Variants in ESRRG observed in about 807,000 individuals in gnomAD.
The protein encoded by ESRRG is estrogen-related receptor gamma.
In ESRRG, 13 loss-of-function variants were observed where a neutral mutation model predicts 44.0. The observed-to-expected ratio is 0.30, with a 90% CI of 0.19 to 0.47. The LOEUF (loss-of-function observed/expected upper bound fraction) is 0.47, where lower values mean the gene tolerates loss of function less well. Ranked by LOEUF, ESRRG falls within the 20% of genes least tolerant of loss-of-function variation. The probability of loss-of-function intolerance (pLI) is 1.00; values close to 1 mark genes in which losing one functional copy is unlikely to be tolerated. For missense variants in ESRRG, 395 were observed against 580.6 expected, an observed-to-expected ratio of 0.68 and a Z score of 3.29; for synonymous variants, 215 against 214.6, an observed-to-expected ratio of 1.00 and a Z score of -0.02.
chr1:216,908,350 C>T (rs2059915462), intron 2 of ESRRG, among the ~76,000 whole-genome samples: 1 of 152,152 alleles, frequency 6.6e-6, no homozygotes, highest in South Asian at 2.1e-4. Context: ...AGCATGTCCA[C>T]CTTATGTGTA....
chr1:216,642,436 T>A (rs560015523), intron 3 of ESRRG, among the ~76,000 whole-genome samples: 2 of 152,058 alleles, frequency 1.3e-5, no homozygotes, highest in Non-Finnish European at 2.9e-5. Context: ...TAATGCAGTA[T>A]CCGCACATAA....
At chr1:216,841,881 G>A (rs957581614) in intron 2 of ESRRG, among the ~76,000 whole-genome samples, 13 of 152,108 alleles carry the variant, frequency 8.5e-5, no homozygotes, top group Middle Eastern at 6.8e-3. Context: ...TCTGGGTTTA[G>A]AATGGTACAG....
chr1:216,840,382 A>G (rs565355189), intron 2 of ESRRG, among the ~76,000 whole-genome samples: 1 of 152,262 alleles, frequency 6.6e-6, no homozygotes, highest in Admixed American at 6.5e-5. Flanking sequence ...CTTGCTTTTG[A>G]TTAGGCTTTG....
chr1:216,537,528 G>A lies in ESRRG; in HGVS notation c.863-18107C>T, dbSNP rs1360261275. Among the ~76,000 whole-genome samples, 4 of 152,060 alleles carry A rather than the reference G, an allele frequency of 2.6e-5. No individual in the cohort carries two copies. The South Asian group carries it at 8.3e-4, about 31-fold the overall frequency. On this transcript the variant is annotated intron_variant, in intron 5 of 6. Coordinates refer to ENST00000408911, the MANE Select transcript of ESRRG (RefSeq NM_001438.4). ...AATTTTACAGAGGCTAGTGCAGCTG[G>A]AGAGGAGTAGCAGGAGATGGTGCTG...
intron 2 of ESRRG, among the ~76,000 whole-genome samples, chr1:216,879,484 CAAAAAAA>C (rs755104959): frequency 5.6e-5 from 5 of 89,442 alleles, no homozygotes; most frequent in African/African-American, 7.8e-5. Flanking sequence ...AAAAGGCCAC[CAAAAAAA>C]AAAAAAAAAA....
intron 1 of ESRRG, among the ~76,000 whole-genome samples, chr1:217,023,931 G>A (rs1409431654): frequency 6.6e-6 from 1 of 152,202 alleles, no homozygotes; most frequent in Non-Finnish European, 1.5e-5. Context: ...TTTAAACAGA[G>A]ATGGTAGCTA....
At chr1:216,507,637 G>GA (rs1267771312) in intron 6 of ESRRG, among the ~76,000 whole-genome samples, 4 of 152,148 alleles carry the variant, frequency 2.6e-5, no homozygotes, top group Non-Finnish European at 4.4e-5. Flanking sequence ...CCAAACAGGG[G>GA]AAAAAATTGT....
At chr1:216,809,791 C>T (rs1383436091) in intron 2 of ESRRG, among the ~76,000 whole-genome samples, 2 of 152,106 alleles carry the variant, frequency 1.3e-5, no homozygotes, top group South Asian at 2.1e-4. Context: ...TCTGGAAGGA[C>T]CAGGATGTGG....
intron 2 of ESRRG, among the ~76,000 whole-genome samples, chr1:216,764,441 G>A (rs532738405): frequency 6.6e-6 from 1 of 151,772 alleles, no homozygotes; most frequent in East Asian, 1.9e-4. Flanking sequence ...GCTAATTTTT[G>A]TATTTTTAGT....
intron 3 of ESRRG, among the ~76,000 whole-genome samples, chr1:216,643,753 CA>C (rs2066926308): frequency 6.6e-6 from 1 of 152,158 alleles, no homozygotes; most frequent in Non-Finnish European, 1.5e-5. Flanking sequence ...CTGGTTCCCT[CA>C]GAACAGAATC....
intron 1 of ESRRG, among the ~76,000 whole-genome samples, chr1:217,130,685 A>C (rs1170393575): frequency 6.6e-6 from 1 of 152,206 alleles, no homozygotes; most frequent in Non-Finnish European, 1.5e-5. Flanking sequence ...AAATAATTGA[A>C]TATTAATTAT....
chr1:216,560,488 A>T (rs1390650711), intron 5 of ESRRG, among the ~76,000 whole-genome samples: 3 of 152,204 alleles, frequency 2.0e-5, no homozygotes, highest in Non-Finnish European at 4.4e-5. Context: ...AGCCATTTAT[A>T]TAGGTCAGCT....
chr1:216,651,142 T>C (rs1241588279), intron 2 of ESRRG, 53 bp from the exon 3 acceptor site: 2 of 1,170,534 alleles, frequency 1.7e-6, no homozygotes, highest in African/African-American at 3.0e-5. Context: ...CCAGGAAACA[T>C]TAGCTTCCCA....
chr1:216,867,093 T>C (rs572317763), intron 2 of ESRRG, among the ~76,000 whole-genome samples: 25 of 152,204 alleles, frequency 1.6e-4, no homozygotes, highest in South Asian at 6.2e-4. Context: ...TGTTTCAGTA[T>C]GTATGCAACG....
intron 2 of ESRRG, among the ~76,000 whole-genome samples, chr1:216,754,702 CTTT>C (rs202242433): frequency 0.092 from 11,222 of 121,320 alleles, 747 homozygotes; most frequent in African/African-American, 0.2. Context: ...AGAGAAAGAA[CTTT>C]TTTTTTTTTT....
At chr1:216,949,659 A>G (rs1390010046) in intron 1 of ESRRG, among the ~76,000 whole-genome samples, 1 of 152,216 alleles carries the variant, frequency 6.6e-6, no homozygotes, top group African/African-American at 2.4e-5. Flanking sequence ...CAAGGAAAGT[A>G]CATGAATATC....
intron 2 of ESRRG, among the ~76,000 whole-genome samples, chr1:216,662,094 T>C (rs2072609637): frequency 6.6e-6 from 1 of 152,176 alleles, no homozygotes; most frequent in South Asian, 2.1e-4. Flanking sequence ...GCAGAGTTCC[T>C]GACAGGGAGT....
intron 1 of ESRRG, among the ~76,000 whole-genome samples, chr1:216,685,853 C>A (rs976739918): frequency 3.9e-5 from 6 of 152,198 alleles, no homozygotes; most frequent in African/African-American, 1.4e-4. Context: ...AATAAACCAG[C>A]TGCTTCTATA....
chr1:216,852,328 G>C (rs115497733), intron 2 of ESRRG, among the ~76,000 whole-genome samples: 1,599 of 152,232 alleles, frequency 0.011, 16 homozygotes, highest in Middle Eastern at 0.02. Flanking sequence ...TCAAGATGGT[G>C]AACACAACCA....
Sources: allele counts gnomAD v4.1 joint callset (sites outside exome capture counted in the v4.1 genomes callset), GRCh38; gene constraint gnomAD v4.1.1; transcripts MANE v1.5; gene names NCBI Gene and HGNC (gene_info 2026-07-23, HGNC 2026-07-21).